Variants in CARF observed in about 807,000 individuals in gnomAD.
CARF encodes the protein calcium responsive transcription factor, also known as calcium-responsive transcription factor.
A neutral mutation model predicts 82.0 loss-of-function variants in CARF; 57 were observed. That is an observed-to-expected ratio of 0.70 (90% CI 0.56 to 0.87). The LOEUF is 0.87. Among genes scored for constraint, CARF ranks in the 40% least tolerant of loss-of-function variants. The probability of loss-of-function intolerance (pLI) is 0.00; values close to 1 mark genes in which losing one functional copy is unlikely to be tolerated. For missense variants in CARF, 771 were observed against 855.8 expected (o/e 0.90, Z 1.24); for synonymous variants, 268 against 290.1 (o/e 0.92, Z 0.77).
intron 7 of CARF, 145 bp from the exon 8 acceptor site, chr2:202,955,529 C>A: frequency 2.1e-6 from 1 of 481,450 alleles, no homozygotes; most frequent in Middle Eastern, 5.4e-4. Context: ...AACTAATGCA[C>A]CCATCAGATC....
intron 10 of CARF, among the ~76,000 whole-genome samples, chr2:202,968,570 A>G (rs962085441): frequency 2.0e-5 from 3 of 152,092 alleles, no homozygotes; most frequent in African/African-American, 7.2e-5. Context: ...TTGACTTGAA[A>G]CTTATCAACT....
rs755878742 is a variant in CARF, at chr2:202,955,759, G to GT, written c.642+2dup. On this transcript the variant is annotated splice_donor_variant, in intron 8 of 16. Coordinates refer to ENST00000438828, the MANE Select transcript of CARF (RefSeq NM_024744.17). LOFTEE classifies it high-confidence loss of function. ...GGCCTGCCGTCTTAGGAGCTGTGAG[G>GT]TGAGTTATAAATAATCATTACCTAG... The GT allele has an allele frequency of 1.7e-5, 27 of 1,606,258 alleles. No individual in the cohort carries two copies. In the Admixed American group the frequency reaches 4.6e-4, roughly 27 times the overall value.
At chr2:202,935,164 A>T (rs1000080800) in intron 3 of CARF, among the ~76,000 whole-genome samples, 3 of 135,946 alleles carry the variant, frequency 2.2e-5, no homozygotes, top group African/African-American at 5.3e-5. Context: ...ACTCCTGTAT[A>T]TATTTAAATA....
chr2:202,952,448 A>G, intron 5 of CARF, 111 bp from the exon 6 acceptor site: 1 of 1,020,706 alleles, frequency 9.8e-7, no homozygotes. Context: ...GGGGGAAATC[A>G]TAGAATCCAT....
intron 2 of CARF, among the ~76,000 whole-genome samples, chr2:202,918,453 G>A (rs1037849745): frequency 2.6e-5 from 4 of 152,106 alleles, no homozygotes; most frequent in South Asian, 2.1e-4. Context: ...CCTGGGAGGC[G>A]GAGCTTGCAG....
chr2:202,949,654 G>A (rs1284404356), intron 5 of CARF, among the ~76,000 whole-genome samples: 6 of 151,206 alleles, frequency 4.0e-5, no homozygotes, highest in Admixed American at 4.0e-4. Flanking sequence ...GGGTTCAAGC[G>A]ATTTTCCTGC....
rs534689254 is a variant in CARF at position 202,948,349 on chromosome 2, CTA to C, written c.307-4206_307-4205del. On this transcript the variant is annotated intron_variant, in intron 5 of 16. Transcript: ENST00000438828. ...TTGGCTATTTGGCCTTTTTTTGGTT[CTA>C]TATGAGTTTTAAAATAGTTTTTTTC... 6.6e-5 allele frequency among the ~76,000 whole-genome samples: 10 copies of C among 152,132 alleles called. 1 individual carries two copies. The South Asian group carries it at 2.1e-3, about 32-fold the overall frequency.
chr2:202,982,889 G>T (rs777613910), intron 16 of CARF, among the ~76,000 whole-genome samples: 1 of 151,980 alleles, frequency 6.6e-6, no homozygotes, highest in African/African-American at 2.4e-5. Flanking sequence ...TTCATTTTTG[G>T]TTTTTTGTTG....
intron 3 of CARF, among the ~76,000 whole-genome samples, chr2:202,940,222 C>T (rs2058164969): frequency 6.6e-6 from 1 of 151,738 alleles, no homozygotes; most frequent in South Asian, 2.1e-4. Context: ...TTAGTAGAGA[C>T]AGGGTTTCAC....
intron 5 of CARF, among the ~76,000 whole-genome samples, chr2:202,943,652 G>T (rs1388099991): frequency 2.3e-4 from 31 of 135,530 alleles, no homozygotes; most frequent in African/African-American, 2.6e-4. Context: ...CTCCAGTTTT[G>T]TTTTTTTTTT....
At chr2:202,966,290 C>T (rs760270546) in intron 9 of CARF, among the ~76,000 whole-genome samples, 17 of 152,156 alleles carry the variant, frequency 1.1e-4, no homozygotes, top group Non-Finnish European at 2.5e-4. Context: ...CATCTTAGGG[C>T]TGGCTGCTGT....
intron 11 of CARF, among the ~76,000 whole-genome samples, chr2:202,970,859 CT>C (rs759204879): frequency 2.8e-3 from 377 of 135,320 alleles, no homozygotes; most frequent in Middle Eastern, 3.8e-3. Flanking sequence ...GTCTACTTTT[CT>C]TTTTTTTTTT....
At chr2:202,964,850 A>G (rs2059475402) in intron 9 of CARF, among the ~76,000 whole-genome samples, 1 of 147,074 alleles carries the variant, frequency 6.8e-6, no homozygotes, top group Non-Finnish European at 1.5e-5. Context: ...TCTAAAAGAT[A>G]AGGACTCCTT....
chr2:202,943,069 TTATTTATTTA>T, intron 5 of CARF, 102 bp downstream of exon 5: 1 of 813,272 alleles, frequency 1.2e-6, no homozygotes, highest in South Asian at 1.9e-5. Context: ...TACATTGTGT[TTATTTATTTA>T]TTTATTTTTG....
At chr2:202,954,512 A>G (rs972072015) in intron 7 of CARF, among the ~76,000 whole-genome samples, 3 of 152,152 alleles carry the variant, frequency 2.0e-5, no homozygotes, top group African/African-American at 7.2e-5. Flanking sequence ...CAGGAGTTCA[A>G]GACCAGCCTG....
At position 202,942,955 on chromosome 2, in the gene CARF, C is replaced by T; in HGVS notation, c.294C>T (p.Ser98=). Residue 98 remains serine (S), a synonymous_variant, in exon 5 of 17, where the codon TCC becomes TCT. Transcript: ENST00000438828. ...ATGAACTTCAGTCATTGGGGGAATCCAATGCACAAATGGTGAGTATATTTT... is the reference window on the plus strand; with the variant it reads ...ATGAACTTCAGTCATTGGGGGAATCTAATGCACAAATGGTGAGTATATTTT... The part of the protein sequence containing the change: ...IQYELQSLGE[S]NAQMMIVASP... 1 of 1,613,448 alleles carries T rather than the reference C, an allele frequency of 6.2e-7. No homozygotes were observed. The highest frequency in any genetic ancestry group is 8.5e-7 in the Non-Finnish European group (1 of 1,179,606).
At chr2:202,971,251 A>G (rs2059779954) in intron 11 of CARF, among the ~76,000 whole-genome samples, 1 of 152,150 alleles carries the variant, frequency 6.6e-6, no homozygotes. Flanking sequence ...CCTCAACTGT[A>G]GGACCACAGT....
At chr2:202,923,190 G>A (rs143752767) in intron 2 of CARF, among the ~76,000 whole-genome samples, 1,523 of 151,914 alleles carry the variant, frequency 0.01, 5 homozygotes, top group Non-Finnish European at 0.014. Context: ...GCCATGAGCC[G>A]AGATCACGGC....
chr2:202,968,812 G>A (rs774821353), intron 10 of CARF, among the ~76,000 whole-genome samples: 1 of 152,170 alleles, frequency 6.6e-6, no homozygotes, highest in Non-Finnish European at 1.5e-5. Flanking sequence ...CAACATGATA[G>A]TATAGAATAT....
Sources: allele counts gnomAD v4.1 joint callset (sites outside exome capture counted in the v4.1 genomes callset), GRCh38; gene constraint gnomAD v4.1.1; transcripts MANE v1.5; gene names NCBI Gene and HGNC (gene_info 2026-07-23, HGNC 2026-07-21).